Variants in ABCC4 observed in about 807,000 individuals in gnomAD.
The protein encoded by ABCC4 is ATP binding cassette subfamily C member 4 (PEL blood group).
Under a neutral mutation model 168.5 loss-of-function variants are expected in ABCC4, and 102 were observed. That is an observed-to-expected ratio of 0.61 (90% CI 0.52 to 0.71). ABCC4 has a LOEUF of 0.71. ABCC4 is among the 30% of genes least tolerant of loss of function. The pLI is 0.00. For synonymous variants in ABCC4, 617 were observed against 590.7 expected, an observed-to-expected ratio of 1.04 and a Z score of -0.65; for missense variants, 1,402 against 1,605.8, an observed-to-expected ratio of 0.87 and a Z score of 2.17.
intron 4 of ABCC4, among the ~76,000 whole-genome samples, chr13:95,233,162 T>C (rs2039670616): frequency 6.6e-6 from 1 of 152,188 alleles, no homozygotes; most frequent in South Asian, 2.1e-4. Flanking sequence ...TAATGTACAA[T>C]TTACAATGTG....
intron 25 of ABCC4, among the ~76,000 whole-genome samples, chr13:95,063,776 T>C (rs913067361): frequency 1.3e-4 from 20 of 152,220 alleles, no homozygotes; most frequent in Admixed American, 8.5e-4. Context: ...AATACGTCTA[T>C]ATTGTAAAAA....
intron 30 of ABCC4, among the ~76,000 whole-genome samples, chr13:95,024,272 G>C (rs1393909289): frequency 2.6e-5 from 4 of 151,670 alleles, no homozygotes; most frequent in Middle Eastern, 3.5e-3. Context: ...GTGTCAAAAG[G>C]GGATAATAAC....
intron 3 of ABCC4, among the ~76,000 whole-genome samples, chr13:95,243,424 C>G (rs1453269321): frequency 6.6e-6 from 1 of 152,228 alleles, no homozygotes; most frequent in Non-Finnish European, 1.5e-5. Context: ...CCCAGACCAT[C>G]AGTCAATGTC....
intron 8 of ABCC4, among the ~76,000 whole-genome samples, chr13:95,196,653 G>A (rs1243070043): frequency 2.7e-4 from 8 of 29,126 alleles, no homozygotes; most frequent in South Asian, 2.5e-3. Flanking sequence ...AGGAAGGAAG[G>A]AAGGAAGGAA....
chr13:95,232,826 T>C (rs16950817), intron 4 of ABCC4, among the ~76,000 whole-genome samples: 1,942 of 152,284 alleles, frequency 0.013, 39 homozygotes, highest in African/African-American at 0.039. Context: ...ACTCCTTCTA[T>C]AACAGTTAAG....
At chr13:95,153,425 C>T (rs1445985667) in intron 19 of ABCC4, among the ~76,000 whole-genome samples, 1 of 152,044 alleles carries the variant, frequency 6.6e-6, no homozygotes, top group Non-Finnish European at 1.5e-5. Flanking sequence ...AAACCATAGC[C>T]ACGGACATTA....
intron 1 of ABCC4, among the ~76,000 whole-genome samples, chr13:95,296,212 AG>A (rs2041532698): frequency 1.3e-5 from 2 of 151,322 alleles, no homozygotes; most frequent in African/African-American, 4.9e-5. Context: ...GGCCAGGAAT[AG>A]TGGCTCATTC....
Position 95,165,227 on chromosome 13 carries a change from AG to A in ABCC4, c.2035-710del, listed in dbSNP as rs2037233413. ...ACTCAAGATGGAAACATAAAAGAGC[AG>A]GGGGTCAAAACATGAGCTCAACACA... On this transcript the variant is annotated intron_variant, in intron 15 of 30. Transcript: ENST00000645237. 2.0e-5 allele frequency among the ~76,000 whole-genome samples: 3 copies of A among 152,212 alleles called. No homozygotes were observed. The South Asian group carries it at 6.2e-4, about 32-fold the overall frequency.
In ABCC4 at chr13:95,287,826, A is replaced by C. The variant is rs144311578; in HGVS notation, c.74+13415T>G. Among the ~76,000 whole-genome samples, 989 of 151,960 alleles carry C rather than the reference A, an allele frequency of 6.5e-3. 8 individuals carry two copies. Among genetic ancestry groups the C allele is most frequent in the African/African-American group, 0.022 (908 of 41,460 alleles). On this transcript the variant is annotated intron_variant, in intron 1 of 30. Transcript: ENST00000645237. Reference sequence around the variant, plus strand: ...GGGAGGCCAAGGCTGGCAGATCACGAAGTTAGGAGATCAAGACCATCCTGG... The same window carrying C: ...GGGAGGCCAAGGCTGGCAGATCACGCAGTTAGGAGATCAAGACCATCCTGG...
chr13:95,110,148 A>C (rs2035153366), intron 20 of ABCC4, among the ~76,000 whole-genome samples: 1 of 152,024 alleles, frequency 6.6e-6, no homozygotes, highest in Non-Finnish European at 1.5e-5. Context: ...ATCTCTACTA[A>C]AAATACAAAA....
intron 19 of ABCC4, among the ~76,000 whole-genome samples, chr13:95,130,604 C>T (rs1209658141): frequency 2.0e-5 from 3 of 152,140 alleles, no homozygotes; most frequent in South Asian, 4.1e-4. Flanking sequence ...TAGATTTATT[C>T]GCATTAAGTG....
intron 4 of ABCC4, among the ~76,000 whole-genome samples, chr13:95,221,533 T>C (rs2138715139): frequency 6.6e-6 from 1 of 152,268 alleles, no homozygotes; most frequent in East Asian, 1.9e-4. Flanking sequence ...CTGACCGTTA[T>C]GTATATTTTA....
chr13:95,057,709 A>G (rs1332463130), intron 26 of ABCC4, among the ~76,000 whole-genome samples: 1 of 152,240 alleles, frequency 6.6e-6, no homozygotes, highest in African/African-American at 2.4e-5. Flanking sequence ...TGAAAGGGAT[A>G]AGCCAGGAAG....
At chr13:95,055,583 A>T (rs2033020833) in intron 26 of ABCC4, 1 of 152,154 alleles carries the variant, frequency 6.6e-6, no homozygotes, top group South Asian at 2.1e-4. Flanking sequence ...AGACAAGCTG[A>T]TATTAAACAT....
intron 25 of ABCC4, among the ~76,000 whole-genome samples, chr13:95,069,708 T>C (rs2033663300): frequency 6.6e-6 from 1 of 152,180 alleles, no homozygotes; most frequent in Non-Finnish European, 1.5e-5. Context: ...TATAGCACCG[T>C]CCTTAGGTGT....
At chr13:95,030,058 C>T (rs1052955756) in intron 30 of ABCC4, among the ~76,000 whole-genome samples, 19 of 151,910 alleles carry the variant, frequency 1.3e-4, no homozygotes, top group Admixed American at 8.5e-4. Flanking sequence ...TCTTGCTCTG[C>T]CGCCCAGGCT....
intron 26 of ABCC4, among the ~76,000 whole-genome samples, chr13:95,058,355 G>C (rs2033141316): frequency 1.3e-5 from 2 of 151,760 alleles, no homozygotes; most frequent in Admixed American, 1.3e-4. Flanking sequence ...CGGATCACAA[G>C]GTCAGGAGAT....
At chr13:95,180,973 C>G (rs1420050825) in intron 11 of ABCC4, among the ~76,000 whole-genome samples, 1 of 152,146 alleles carries the variant, frequency 6.6e-6, no homozygotes, top group African/African-American at 2.4e-5. Context: ...TTCAAAGGAT[C>G]TGAAGTACAA....
intron 27 of ABCC4, among the ~76,000 whole-genome samples, chr13:95,052,600 T>C (rs2032889379): frequency 6.6e-6 from 1 of 152,242 alleles, no homozygotes; most frequent in African/African-American, 2.4e-5. Flanking sequence ...AAATTACACG[T>C]TTGCCAATAA....
Sources: allele counts gnomAD v4.1 joint callset (sites outside exome capture counted in the v4.1 genomes callset), GRCh38; gene constraint gnomAD v4.1.1; transcripts MANE v1.5; gene names NCBI Gene and HGNC (gene_info 2026-07-23, HGNC 2026-07-21).